DOCK1: variants seen among roughly 807,000 people sequenced by gnomAD.
DOCK1 encodes dedicator of cytokinesis protein 1.
A neutral mutation model predicts 262.7 loss-of-function variants in DOCK1; 138 were observed. The ratio of observed to expected loss-of-function variants is 0.53; its 90% CI spans 0.46 to 0.61. The LOEUF (loss-of-function observed/expected upper bound fraction) is 0.61. Among genes scored for constraint, DOCK1 ranks in the 20% least tolerant of loss-of-function variants. The pLI, the probability that DOCK1 is intolerant of heterozygous loss-of-function variation, is 0.00. For synonymous variants in DOCK1, 866 were observed against 867.4 expected, an observed-to-expected ratio of 1.00 and a Z score of 0.03; for missense variants, 1,908 against 2,370.7, an observed-to-expected ratio of 0.80 and a Z score of 4.05.
chr10:126,916,175 A>G (rs759385222), intron 1 of DOCK1, among the ~76,000 whole-genome samples: 2 of 152,178 alleles, frequency 1.3e-5, no homozygotes, highest in Non-Finnish European at 2.9e-5. Context: ...GAGTTAGGGC[A>G]TATCCTAGCA....
rs76646118 is a variant in DOCK1 at position 127,176,323 on chromosome 10, C to T, written c.2847+48559C>T. The stretch of plus-strand genomic sequence containing the variant: ...TCCAGGGCGTATTTCATCTCCAGGG[C>T]CAGGCAGGCGGCGGGTTCCACTTCA... On this transcript the variant is annotated intron_variant, in intron 27 of 51. Transcript: ENST00000623213. This position sits in a 1 kb window ranked among gnomAD's most constrained non-coding sequence, Gnocchi z 4.4. 1 of 1,613,996 alleles carries T rather than the reference C, an allele frequency of 6.2e-7. No individual in the cohort carries two copies. Among genetic ancestry groups the T allele is most frequent in the Non-Finnish European group, 8.5e-7 (1 of 1,179,998 alleles).
intron 27 of DOCK1, among the ~76,000 whole-genome samples, chr10:127,203,509 A>T (rs370550023): frequency 6.6e-6 from 1 of 152,346 alleles, no homozygotes; most frequent in Non-Finnish European, 1.5e-5. Context: ...GCTATGAAAC[A>T]TTGGAAAGCA....
intron 33 of DOCK1, among the ~76,000 whole-genome samples, chr10:127,369,481 A>G (rs1389754997): frequency 1.3e-5 from 2 of 152,234 alleles, no homozygotes; most frequent in African/African-American, 4.8e-5. Context: ...AGATTCTTCC[A>G]TAATCCCCTT....
intron 36 of DOCK1, 112 bp from the exon 37 acceptor site, chr10:127,381,166 A>G: frequency 1.2e-6 from 1 of 843,506 alleles, no homozygotes; most frequent in Non-Finnish European, 1.7e-6. Flanking sequence ...GAACATTGTA[A>G]AAAGGAAGTG....
intron 45 of DOCK1, among the ~76,000 whole-genome samples, chr10:127,418,858 A>G (rs574655051): frequency 6.6e-6 from 1 of 152,356 alleles, no homozygotes; most frequent in South Asian, 2.1e-4. Context: ...GCCAAAAGAT[A>G]AAGTTAGACA....
In DOCK1 at chr10:127,348,137, C is replaced by T. The variant is rs192198325; in HGVS notation, c.3224+4391C>T. ...TCAGACCCAAATTGAGTATGAGATT[C>T]GCCAGTGTACCACAAAATAAATAAC... On this transcript the variant is annotated intron_variant, in intron 31 of 51. Transcript: ENST00000623213. Among the ~76,000 whole-genome samples the T allele has an allele frequency of 2.0e-5, 3 of 151,742 alleles. No individual in the cohort carries two copies. The East Asian group carries it at 5.9e-4, about 30-fold the overall frequency.
At chr10:126,967,505 G>A (rs2134630732) in intron 1 of DOCK1, among the ~76,000 whole-genome samples, 1 of 151,566 alleles carries the variant, frequency 6.6e-6, no homozygotes, top group South Asian at 2.1e-4. Context: ...ACACCTCCTT[G>A]TACTAATTTC....
chr10:127,280,009 C>CATATATATATATAT (rs10525314), intron 29 of DOCK1, among the ~76,000 whole-genome samples: 1,686 of 114,122 alleles, frequency 0.015, 22 homozygotes, highest in African/African-American at 0.025. Flanking sequence ...AATTTTATTT[C>CATATATATATATAT]ATATATATAT....
At chr10:127,261,261 G>T (rs1477185810) in intron 29 of DOCK1, among the ~76,000 whole-genome samples, 1 of 137,364 alleles carries the variant, frequency 7.3e-6, no homozygotes, top group Non-Finnish European at 1.6e-5. Flanking sequence ...GTGTGCATGT[G>T]GGTGTGTGTG....
intron 27 of DOCK1, among the ~76,000 whole-genome samples, chr10:127,147,894 G>A (rs191917724): frequency 2.4e-4 from 37 of 151,836 alleles, no homozygotes; most frequent in African/African-American, 8.7e-4. Flanking sequence ...AGCCAGGATT[G>A]GCGGTGCGCG....
intron 4 of DOCK1, among the ~76,000 whole-genome samples, chr10:126,982,231 A>G (rs887147940): frequency 6.6e-6 from 1 of 152,168 alleles, no homozygotes; most frequent in Non-Finnish European, 1.5e-5. Flanking sequence ...ATTGGAAAGC[A>G]TTCGCCCTGG....
intron 29 of DOCK1, among the ~76,000 whole-genome samples, chr10:127,329,446 G>A (rs2062879855): frequency 6.6e-6 from 1 of 151,478 alleles, no homozygotes; most frequent in Non-Finnish European, 1.5e-5. Context: ...GGGTGCTGTG[G>A]TGGGGATCCC....
intron 45 of DOCK1, 76 bp from the exon 46 acceptor site, chr10:127,419,590 C>A: frequency 9.6e-6 from 13 of 1,351,818 alleles, no homozygotes; most frequent in South Asian, 1.3e-5. Flanking sequence ...ATTCTCAGGG[C>A]CTGGCACACA....
chr10:127,227,375 C>T (rs2058682754), intron 27 of DOCK1, among the ~76,000 whole-genome samples: 1 of 152,188 alleles, frequency 6.6e-6, no homozygotes, highest in Admixed American at 6.5e-5. Context: ...TGCCTCAGTG[C>T]CTTGGAACGA....
chr10:127,354,482 G>A (rs1462780403), intron 31 of DOCK1, among the ~76,000 whole-genome samples, 187 bp from the exon 32 acceptor site: 1 of 152,222 alleles, frequency 6.6e-6, no homozygotes, highest in African/African-American at 2.4e-5. Flanking sequence ...TGATGAGAAA[G>A]TGAGATTTCC....
At chr10:127,348,750 G>A (rs558547092) in intron 31 of DOCK1, among the ~76,000 whole-genome samples, 125 of 152,260 alleles carry the variant, frequency 8.2e-4, no homozygotes, top group African/African-American at 2.8e-3. Flanking sequence ...CAAACACTGG[G>A]TTCTGCAGAA....
intron 47 of DOCK1, among the ~76,000 whole-genome samples, chr10:127,432,139 C>T (rs2069334314): frequency 6.6e-6 from 1 of 152,130 alleles, no homozygotes; most frequent in Non-Finnish European, 1.5e-5. Context: ...TTCCACGATA[C>T]CGGTTCCTGG....
At chr10:127,240,056 G>A (rs1238320428) in intron 27 of DOCK1, among the ~76,000 whole-genome samples, 1 of 152,082 alleles carries the variant, frequency 6.6e-6, no homozygotes, top group East Asian at 1.9e-4. Flanking sequence ...AACATCTTCT[G>A]CAATTACTGC....
At chr10:127,412,475 C>T (rs1378742430) in intron 43 of DOCK1, among the ~76,000 whole-genome samples, 1 of 152,198 alleles carries the variant, frequency 6.6e-6, no homozygotes, top group Non-Finnish European at 1.5e-5. Context: ...TGGGAAACCT[C>T]CGGAAATCCT....
Sources: gnomAD v4.1 joint callset for allele counts (sites outside exome capture counted in the v4.1 genomes callset) on GRCh38, gnomAD v4.1.1 for gene constraint, Gnocchi (gnomAD v3.1) non-coding constraint, MANE v1.5 for transcripts, NCBI Gene and HGNC (gene_info 2026-07-23, HGNC 2026-07-21) for gene names.